CADPS: variants seen among roughly 807,000 people sequenced by gnomAD.
The protein encoded by CADPS is calcium-dependent secretion activator 1.
A neutral mutation model predicts 167.3 loss-of-function variants in CADPS; 57 were observed. That is an observed-to-expected ratio of 0.34 (90% confidence interval 0.28 to 0.42). The LOEUF is 0.42. Ranked by LOEUF, CADPS falls within the 20% of genes least tolerant of loss-of-function variation. CADPS has a pLI of 1.00. For missense variants in CADPS, 1,414 were observed against 1,738.1 expected (o/e 0.81, Z 3.32); for synonymous variants, 676 against 635.3 (o/e 1.06, Z -0.96).
At chr3:62,798,287 C>T (rs1336998218) in intron 1 of CADPS, among the ~76,000 whole-genome samples, 2 of 152,216 alleles carry the variant, frequency 1.3e-5, no homozygotes, top group East Asian at 3.9e-4. Flanking sequence ...GCCAGTGTGG[C>T]TAAGATAAAG....
chr3:62,861,494 T>G (rs1323935488), intron 1 of CADPS, among the ~76,000 whole-genome samples: 1 of 152,212 alleles, frequency 6.6e-6, no homozygotes, highest in East Asian at 1.9e-4. Flanking sequence ...GCATTGATTT[T>G]CTAAGATTTT....
chr3:62,716,379 G>A (rs933546730), intron 3 of CADPS, among the ~76,000 whole-genome samples: 1 of 152,200 alleles, frequency 6.6e-6, no homozygotes, highest in Non-Finnish European at 1.5e-5. Flanking sequence ...AGATTTAGTA[G>A]AGAATGGTAG....
Position 62,514,960 on chromosome 3 carries a change from G to T in CADPS, c.2581+1099C>A, listed in dbSNP as rs2068637803. ...AATTCTTAAGTGTTTCTCCCTGGAT[G>T]CATAACAGTGAATTCATTACCACTG... On this transcript the variant is annotated intron_variant, in intron 16 of 29. Coordinates refer to ENST00000383710, the MANE Select transcript of CADPS (RefSeq NM_003716.4). This position sits in a 1 kb window ranked among gnomAD's most constrained non-coding sequence, Gnocchi z 4.2. Among the ~76,000 whole-genome samples, 1 of 152,104 alleles carries T rather than the reference G, an allele frequency of 6.6e-6. No homozygotes were observed. The highest frequency in any genetic ancestry group is 1.5e-5 in the Non-Finnish European group (1 of 68,004).
rs142132769 is a variant in CADPS at position 62,473,369 on chromosome 3, A to G, written c.3477+804T>C. 8.3e-4 allele frequency among the ~76,000 whole-genome samples: 126 copies of G among 152,344 alleles called. 2 individuals carry two copies. The East Asian group carries it at 0.023, about 28-fold the overall frequency. ...AAATAACGAATAAGGAGCAAATATA[A>G]TTTAGTAAAAATTCTGAACATGTAA... On this transcript the variant is annotated intron_variant, in intron 24 of 29. Coordinates refer to ENST00000383710, the MANE Select transcript of CADPS (RefSeq NM_003716.4).
At chr3:62,467,182 T>C (rs2060040640) in intron 24 of CADPS, 1 of 353,926 alleles carries the variant, frequency 2.8e-6, no homozygotes, top group African/African-American at 2.2e-5. Flanking sequence ...AAATATTATA[T>C]GCCAGCTCCT....
chr3:62,714,949 T>C (rs767533506), intron 3 of CADPS, among the ~76,000 whole-genome samples: 3 of 152,192 alleles, frequency 2.0e-5, no homozygotes, highest in Non-Finnish European at 2.9e-5. Flanking sequence ...TCCAGATATA[T>C]ACAAAAACAT....
In CADPS at chr3:62,474,168, T is replaced by TTTTTTTTTTTTTTC; in HGVS notation, c.3477+4_3477+5insGAAAAAAAAAAAAA. On this transcript the variant is annotated splice_donor_region_variant and intron_variant, in intron 24 of 29. Transcript: ENST00000383710. ...AAAAATCTGTATTTTTTTTTTTTTTTTTACCTCTTGGCCCATTTCCATGCT... is the reference window on the plus strand; with the variant it reads ...AAAAATCTGTATTTTTTTTTTTTTTTTTTTTTTTTTTTTCTTACCTCTTGGCCCATTTCCATGCT... 3 of 1,469,426 alleles carry TTTTTTTTTTTTTTC rather than the reference T, an allele frequency of 2.0e-6. 1 individual carries two copies. Among genetic ancestry groups the TTTTTTTTTTTTTTC allele is most frequent in the Non-Finnish European group, 2.7e-6 (3 of 1,106,050 alleles). 91.0% of individuals were successfully genotyped at this position (1,469,426 alleles called of 1,614,324 possible). A position where few individuals can be genotyped will look rare whatever the true frequency, so the allele number is the denominator to read the frequency against.
chr3:62,823,933 G>C (rs115155439), intron 1 of CADPS, among the ~76,000 whole-genome samples: 1 of 152,016 alleles, frequency 6.6e-6, no homozygotes, highest in Non-Finnish European at 1.5e-5. Flanking sequence ...AAGTTAACAC[G>C]GCCCATGTTT....
chr3:62,651,264 T>C (rs1474823018), intron 4 of CADPS, among the ~76,000 whole-genome samples, 184 bp from the exon 5 acceptor site: 1 of 152,208 alleles, frequency 6.6e-6, no homozygotes, highest in Non-Finnish European at 1.5e-5. Context: ...TGCCTGCTAG[T>C]TATTTATACA....
At chr3:62,559,014 C>T (rs889739489) in intron 9 of CADPS, among the ~76,000 whole-genome samples, 4 of 152,216 alleles carry the variant, frequency 2.6e-5, no homozygotes, top group Admixed American at 6.5e-5. Context: ...GCTGTCCGTT[C>T]TGTAAGCCTC....
At chr3:62,558,191 G>A (rs1224738294) in intron 9 of CADPS, among the ~76,000 whole-genome samples, 1 of 152,200 alleles carries the variant, frequency 6.6e-6, no homozygotes, top group East Asian at 1.9e-4. Context: ...TGATCGCTAG[G>A]TGCCAGTCAC....
intron 12 of CADPS, among the ~76,000 whole-genome samples, chr3:62,535,302 T>G (rs1278437486): frequency 6.6e-6 from 1 of 151,308 alleles, no homozygotes; most frequent in Non-Finnish European, 1.5e-5. Context: ...ATCCTTTTGA[T>G]GAAGGAATTC....
In CADPS at chr3:62,421,873, G is replaced by A. The variant is rs543258608; in HGVS notation, c.3777+16231C>T. Among the ~76,000 whole-genome samples the A allele has an allele frequency of 1.1e-4, 16 of 152,320 alleles. No homozygotes were observed. Among genetic ancestry groups the A allele is most frequent in the East Asian group, 5.8e-4 (3 of 5,184 alleles). On this transcript the variant is annotated intron_variant, in intron 28 of 29. Coordinates refer to ENST00000383710, the MANE Select transcript of CADPS (RefSeq NM_003716.4). This position sits in a 1 kb window ranked among gnomAD's most constrained non-coding sequence, Gnocchi z 4.7. ...GTCTCAAGTTATAAAAAGAAAAGCCGAGGGCAGAAAATAGTATTACGCCAC... is the reference window on the plus strand; with the variant it reads ...GTCTCAAGTTATAAAAAGAAAAGCCAAGGGCAGAAAATAGTATTACGCCAC...
intron 18 of CADPS, among the ~76,000 whole-genome samples, chr3:62,495,555 A>G (rs192227230): frequency 4.7e-4 from 71 of 152,366 alleles, no homozygotes; most frequent in Admixed American, 6.5e-4. Flanking sequence ...CGGCTACTAA[A>G]TACTTACCCA....
chr3:62,442,892 C>T (rs1368897989), intron 27 of CADPS, among the ~76,000 whole-genome samples: 1 of 152,164 alleles, frequency 6.6e-6, no homozygotes, highest in Admixed American at 6.5e-5. Context: ...TTACTATTAT[C>T]TACCATATAT....
chr3:62,451,136 T>C (rs2057986756), intron 26 of CADPS, among the ~76,000 whole-genome samples: 1 of 152,164 alleles, frequency 6.6e-6, no homozygotes, highest in South Asian at 2.1e-4. Context: ...ATAGTTTCTC[T>C]GGCTTGAATG....
intron 14 of CADPS, among the ~76,000 whole-genome samples, chr3:62,517,789 G>A (rs915947554): frequency 6.6e-6 from 1 of 152,120 alleles, no homozygotes; most frequent in South Asian, 2.1e-4. Flanking sequence ...ACTCTCCTAG[G>A]AGTATCACTG....
intron 13 of CADPS, among the ~76,000 whole-genome samples, chr3:62,519,179 GT>G (rs2069781602): frequency 6.6e-6 from 1 of 152,182 alleles, no homozygotes; most frequent in Non-Finnish European, 1.5e-5. Flanking sequence ...ATAGTGACTT[GT>G]TTTGACTACT....
At chr3:62,708,618 G>A (rs1303158663) in intron 3 of CADPS, among the ~76,000 whole-genome samples, 2 of 151,958 alleles carry the variant, frequency 1.3e-5, no homozygotes, top group African/African-American at 4.8e-5. Flanking sequence ...GGTAAAACAC[G>A]AAGATGGGCT....
Sources: gnomAD v4.1 joint callset for allele counts (sites outside exome capture counted in the v4.1 genomes callset) on GRCh38, gnomAD v4.1.1 for gene constraint, Gnocchi (gnomAD v3.1) non-coding constraint, MANE v1.5 for transcripts, NCBI Gene and HGNC (gene_info 2026-07-23, HGNC 2026-07-21) for gene names.